ELP1: variants seen among roughly 807,000 people sequenced by gnomAD.
ELP1 encodes elongator complex protein 1.
A neutral mutation model predicts 183.2 loss-of-function variants in ELP1; 131 were observed. That is an observed-to-expected ratio of 0.72 (90% CI 0.62 to 0.83). The LOEUF (loss-of-function observed/expected upper bound fraction) is 0.83. Ranked by LOEUF, ELP1 falls within the 40% of genes least tolerant of loss-of-function variation. The probability of loss-of-function intolerance (pLI) is 0.00; values close to 1 mark genes in which losing one functional copy is unlikely to be tolerated. For synonymous variants in ELP1, 555 were observed against 569.0 expected (o/e 0.98, Z 0.35); for missense variants, 1,550 against 1,594.9 (o/e 0.97, Z 0.48).
intron 36 of ELP1, among the ~76,000 whole-genome samples, chr9:108,871,978 C>T (rs182413978): frequency 6.6e-6 from 1 of 152,358 alleles, no homozygotes; most frequent in Admixed American, 6.5e-5. Flanking sequence ...TGGGCAACTA[C>T]AGCTGCAGAC....
intron 29 of ELP1, among the ~76,000 whole-genome samples, chr9:108,885,053 C>T (rs1350462565): frequency 6.6e-6 from 1 of 151,580 alleles, no homozygotes; most frequent in African/African-American, 2.4e-5. Flanking sequence ...TGCACTCCAG[C>T]CTGAGCAAGA....
At chr9:108,885,103 G>GA (rs896258421) in intron 29 of ELP1, among the ~76,000 whole-genome samples, 2 of 141,958 alleles carry the variant, frequency 1.4e-5, no homozygotes, top group East Asian at 2.1e-4. Flanking sequence ...AACAACAAAA[G>GA]AAAAAAATAA....
chr9:108,918,571 C>T (rs533356408), intron 8 of ELP1, among the ~76,000 whole-genome samples: 15 of 151,764 alleles, frequency 9.9e-5, no homozygotes, highest in South Asian at 8.3e-4. Flanking sequence ...AAAATATATG[C>T]GGCCTTGGAA....
intron 6 of ELP1, among the ~76,000 whole-genome samples, chr9:108,919,767 A>G (rs1207001040): frequency 6.6e-6 from 1 of 152,196 alleles, no homozygotes; most frequent in Non-Finnish European, 1.5e-5. Context: ...AGATGTGAAC[A>G]AGGTGAATAG....
intron 2 of ELP1, among the ~76,000 whole-genome samples, chr9:108,930,173 T>C (rs917035926): frequency 1.3e-5 from 2 of 152,166 alleles, no homozygotes; most frequent in Non-Finnish European, 2.9e-5. Flanking sequence ...CTCTTTAAAA[T>C]TGTCCACTAA....
chr9:108,912,616 C>CATT, intron 10 of ELP1, 122 bp from the exon 11 acceptor site: 1 of 717,810 alleles, frequency 1.4e-6, no homozygotes, highest in Non-Finnish European at 2.5e-6. Flanking sequence ...AGCCTCGTCT[C>CATT]TAAAATAAGA....
intron 6 of ELP1, among the ~76,000 whole-genome samples, chr9:108,920,277 C>T (rs1184359722): frequency 6.7e-6 from 1 of 148,864 alleles, no homozygotes; most frequent in East Asian, 2.0e-4. Context: ...TCCCTCTCAC[C>T]CAATTTTTTT....
intron 9 of ELP1, among the ~76,000 whole-genome samples, chr9:108,916,556 T>G (rs1042679872): frequency 6.6e-6 from 1 of 152,164 alleles, no homozygotes; most frequent in Non-Finnish European, 1.5e-5. Flanking sequence ...AAGGTGACAT[T>G]TTTAGACAAT....
intron 20 of ELP1, 44 bp downstream of exon 20, chr9:108,899,778 T>C (rs767058862): frequency 5.9e-5 from 86 of 1,461,486 alleles, no homozygotes; most frequent in Non-Finnish European, 7.9e-5. Flanking sequence ...TCTTCACACA[T>C]AAATCACAAG....
rs1408117252 is a variant in ELP1, at chr9:108,869,093, G to A, written c.*22C>T. 2.5e-6 allele frequency: 4 copies of A among 1,606,986 alleles called. No homozygotes were observed. In the South Asian group the frequency reaches 3.3e-5, roughly 13 times the overall value. ...TGAGTGGAAATGGTCTTCTCTGTCG[G>A]ATCCCTCCTAACTGCAGTCACTCAG... On this transcript the variant is annotated 3_prime_UTR_variant, in exon 37 of 37. Coordinates refer to ENST00000374647, the MANE Select transcript of ELP1 (RefSeq NM_003640.5).
chr9:108,900,491 C>A, intron 18 of ELP1, 116 bp from the exon 19 acceptor site: 1 of 775,016 alleles, frequency 1.3e-6, no homozygotes, highest in Non-Finnish European at 2.3e-6. Context: ...CAACCATGTG[C>A]CTTAGCTCTC....
chr9:108,874,872 A>G, intron 36 of ELP1, 23 bp downstream of exon 36: 2 of 1,472,808 alleles, frequency 1.4e-6, no homozygotes, highest in Non-Finnish European at 1.9e-6. Context: ...GTATTGTAAT[A>G]TTAAATGAGA....
intron 8 of ELP1, among the ~76,000 whole-genome samples, 155 bp from the exon 9 acceptor site, chr9:108,917,825 C>T (rs887962589): frequency 3.3e-5 from 5 of 152,126 alleles, no homozygotes; most frequent in African/African-American, 1.2e-4. Flanking sequence ...CCATGTGTCC[C>T]TTGTCTCTCG....
chr9:108,872,803 TGAAAAAAAAAAAAAAA>T (rs1324344468), intron 36 of ELP1, among the ~76,000 whole-genome samples: 4 of 62,788 alleles, frequency 6.4e-5, no homozygotes, highest in Admixed American at 2.1e-4. Context: ...AGACTCTGTC[TGAAAAAAAAAAAAAAA>T]AAAAAAAAAA....
rs201039322 is a variant in ELP1 at position 108,869,091 on chromosome 9, C to G, written c.*24G>C. 8.0e-5 allele frequency: 128 copies of G among 1,605,954 alleles called. No individual in the cohort carries two copies. The highest frequency in any genetic ancestry group is 1.0e-4 in the Non-Finnish European group (119 of 1,172,562). On this transcript the variant is annotated 3_prime_UTR_variant, in exon 37 of 37. Coordinates refer to ENST00000374647, the MANE Select transcript of ELP1 (RefSeq NM_003640.5). ...AATGAGTGGAAATGGTCTTCTCTGT[C>G]GGATCCCTCCTAACTGCAGTCACTC...
chr9:108,914,331 A>G (rs900447470), intron 10 of ELP1, among the ~76,000 whole-genome samples: 3 of 136,898 alleles, frequency 2.2e-5, no homozygotes, highest in Non-Finnish European at 4.6e-5. Flanking sequence ...CCCGGGAGGC[A>G]GAGCTTGCAG....
In ELP1 at chr9:108,889,347, C is replaced by A; in HGVS notation, c.3207G>T (p.Leu1069Phe). 1.2e-6 allele frequency: 2 copies of A among 1,614,130 alleles called. No homozygotes were observed. Among genetic ancestry groups the A allele is most frequent in the Non-Finnish European group, 1.7e-6 (2 of 1,179,976 alleles). ...TTGAGTTTACCTGGGCACACTCTTC[C>A]AAAACCATGGCCGCATCAATGTGCT... is the stretch of plus-strand genomic sequence containing the variant. ...QRKHIDAAMV[L>F]EECAQDYEEA... The change falls in exon 29 of 37, where the codon TTG becomes TTT. Residue 1069 changes from leucine to phenylalanine, a missense_variant. Leu to Phe is a conservative substitution (Grantham distance 22, BLOSUM62 0). Transcript: ENST00000374647.
chr9:108,921,272 C>T (rs1829635828), intron 6 of ELP1, among the ~76,000 whole-genome samples: 1 of 152,136 alleles, frequency 6.6e-6, no homozygotes, highest in African/African-American at 2.4e-5. Context: ...CCCACCCCAC[C>T]CCACAGCCCT....
chr9:108,910,838 A>AAC (rs1486707519), intron 12 of ELP1, among the ~76,000 whole-genome samples, 172 bp downstream of exon 12: 3 of 151,736 alleles, frequency 2.0e-5, no homozygotes, highest in African/African-American at 7.3e-5. Flanking sequence ...ATTAAAAAAA[A>AAC]AAAAAACAAA....
Sources: gnomAD v4.1 joint callset for allele counts (sites outside exome capture counted in the v4.1 genomes callset) on GRCh38, gnomAD v4.1.1 for gene constraint, MANE v1.5 for transcripts, NCBI Gene and HGNC (gene_info 2026-07-23, HGNC 2026-07-21) for gene names.